GRIN2B: variants seen among roughly 807,000 people sequenced by gnomAD.
GRIN2B encodes glutamate ionotropic receptor NMDA type subunit 2B.
Under a neutral mutation model 114.5 loss-of-function variants are expected in GRIN2B, and 5 were observed. The observed-to-expected ratio is 0.04, with a 90% confidence interval of 0.02 to 0.09. The LOEUF is 0.09. Among genes scored for constraint, GRIN2B ranks in the 10% least tolerant of loss-of-function variants. The pLI is 1.00. For missense variants in GRIN2B, 1,108 were observed against 1,943.5 expected (o/e 0.57, Z 8.08); for synonymous variants, 787 against 745.1 (o/e 1.06, Z -0.92).
chr12:13,765,144 G>A (rs921385034), intron 3 of GRIN2B, among the ~76,000 whole-genome samples: 36 of 152,194 alleles, frequency 2.4e-4, no homozygotes, highest in African/African-American at 8.7e-4. Context: ...ATTCGGTACT[G>A]CCTAAAAGTG....
At chr12:13,782,291 A>G (rs1864130318) in intron 3 of GRIN2B, among the ~76,000 whole-genome samples, 1 of 152,126 alleles carries the variant, frequency 6.6e-6, no homozygotes, top group African/African-American at 2.4e-5. Flanking sequence ...ATACACACAC[A>G]CACACACTCT....
At chr12:13,629,489 C>T (rs1374120145) in intron 5 of GRIN2B, among the ~76,000 whole-genome samples, 1 of 152,200 alleles carries the variant, frequency 6.6e-6, no homozygotes, top group Non-Finnish European at 1.5e-5. Flanking sequence ...TTGCTCTAAA[C>T]TGCACATCTG....
intron 4 of GRIN2B, among the ~76,000 whole-genome samples, chr12:13,735,308 A>T (rs1863159166): frequency 6.6e-6 from 1 of 152,224 alleles, no homozygotes; most frequent in Non-Finnish European, 1.5e-5. Context: ...AAGTGCAGAC[A>T]TGAAGGTGAT....
intron 3 of GRIN2B, among the ~76,000 whole-genome samples, chr12:13,855,739 A>T (rs967834626): frequency 3.3e-5 from 5 of 152,216 alleles, no homozygotes; most frequent in African/African-American, 9.6e-5. Flanking sequence ...TCATCATGAC[A>T]TCTTTAAGTT....
At chr12:13,862,263 T>G (rs948833232) in intron 3 of GRIN2B, among the ~76,000 whole-genome samples, 1 of 152,248 alleles carries the variant, frequency 6.6e-6, no homozygotes, top group Admixed American at 6.5e-5. Flanking sequence ...GAACTGTGTC[T>G]GTGCTGTTGT....
At chr12:13,973,136 C>T (rs1862960064) in intron 2 of GRIN2B, among the ~76,000 whole-genome samples, 1 of 152,228 alleles carries the variant, frequency 6.6e-6, no homozygotes, top group Non-Finnish European at 1.5e-5. Context: ...CTGAGACTCT[C>T]TTCTCCCTTC....
chr12:13,973,800 T>C (rs1591648858), intron 2 of GRIN2B, among the ~76,000 whole-genome samples: 1 of 152,098 alleles, frequency 6.6e-6, no homozygotes, highest in African/African-American at 2.4e-5. Context: ...ATACAAAGAA[T>C]GGTGAAAGTG....
In GRIN2B at chr12:13,556,486, A is replaced by C. The variant is rs1242406068; in HGVS notation, c.*6297T>G. 2 of 152,192 alleles carry C rather than the reference A, an allele frequency of 1.3e-5. No homozygotes were observed. The highest frequency in any genetic ancestry group is 2.9e-5 in the Non-Finnish European group (2 of 68,032). The allele number at this position is 152,192 out of a possible 1,614,324, so 9.4% of individuals were successfully genotyped here. ...TTTAATTAAACTCACATATTTAACC[A>C]GAGAGCTTTTATTTTTTTCTCCTGC... On this transcript the variant is annotated 3_prime_UTR_variant, in exon 14 of 14. Coordinates refer to ENST00000609686, the MANE Select transcript of GRIN2B (RefSeq NM_000834.5).
chr12:13,757,726 C>T (rs73300365), intron 3 of GRIN2B, among the ~76,000 whole-genome samples: 6,162 of 152,140 alleles, frequency 0.041, 412 homozygotes, highest in African/African-American at 0.14. Flanking sequence ...GATGAATAAG[C>T]AGCACAGGGA....
At chr12:13,655,635 A>T (rs896988650) in intron 5 of GRIN2B, among the ~76,000 whole-genome samples, 2 of 152,182 alleles carry the variant, frequency 1.3e-5, no homozygotes, top group African/African-American at 4.8e-5. Context: ...TGTGTCCTTC[A>T]GAAAGTCACT....
At chr12:13,907,356 G>A (rs1391539319) in intron 2 of GRIN2B, among the ~76,000 whole-genome samples, 1 of 152,126 alleles carries the variant, frequency 6.6e-6, no homozygotes. Flanking sequence ...AGGGCGTGGT[G>A]GCACACACCT....
chr12:13,876,640 A>G lies in GRIN2B; in HGVS notation c.-18-10414T>C, dbSNP rs1370119440. 2.0e-5 allele frequency among the ~76,000 whole-genome samples: 3 copies of G among 152,310 alleles called. No homozygotes were observed. In the East Asian group the frequency reaches 5.8e-4, roughly 29 times the overall value. ...AATAGCCACCAAATTTTATACAACT[A>G]TCATATTACTGACATCAGAATAGTC... On this transcript the variant is annotated intron_variant, in intron 2 of 13. Transcript: ENST00000609686.
chr12:13,780,286 TA>T lies in GRIN2B; in HGVS notation c.412-26372del, dbSNP rs542023307. 1.5e-3 allele frequency among the ~76,000 whole-genome samples: 218 copies of T among 145,434 alleles called. 1 individual carries two copies. The highest frequency in any genetic ancestry group is 3.5e-3 in the Middle Eastern group (1 of 282). On this transcript the variant is annotated intron_variant, in intron 3 of 13. Transcript: ENST00000609686. ...CATCCTTATTTACCATAGAGCTATT[TA>T]AAAAAAAAAAAGTCTCTTCATTTAC...
intron 5 of GRIN2B, among the ~76,000 whole-genome samples, chr12:13,664,285 G>A (rs1464243827): frequency 6.6e-6 from 1 of 152,054 alleles, no homozygotes; most frequent in Admixed American, 6.6e-5. Context: ...AGGGAAGGTG[G>A]GTCAACCTCA....
Position 13,608,827 on chromosome 12 carries a change from C to G in GRIN2B, c.1786G>C (p.Gly596Arg), listed in dbSNP as rs377354382. The G allele has an allele frequency of 7.4e-6, 12 of 1,612,498 alleles. No individual in the cohort carries two copies. The highest frequency in any genetic ancestry group is 1.0e-5 in the Non-Finnish European group (12 of 1,178,648). The change falls in exon 10 of 14, where the codon GGT becomes CGT. Residue 596 changes from glycine (G) to arginine (R), a missense_variant. Physicochemically the swap from Gly to Arg is moderately radical, Grantham distance 125. Coordinates refer to ENST00000609686, the MANE Select transcript of GRIN2B (RefSeq NM_000834.5). ...TTGCCGATGGTGAAAGAGGGTCCAC[C>G]AGGCTCTGGCATGACAAAAAGACAA... The part of the protein sequence containing the change: ...NRCLADGREP[G>R]GPSFTIGKAI...
intron 5 of GRIN2B, among the ~76,000 whole-genome samples, chr12:13,640,956 GAGA>G (rs1448242481): frequency 2.0e-5 from 3 of 152,120 alleles, no homozygotes; most frequent in East Asian, 3.9e-4. Flanking sequence ...ACTCTGTTGT[GAGA>G]AGAACCATTT....
chr12:13,855,107 A>G (rs539569174), intron 3 of GRIN2B, among the ~76,000 whole-genome samples: 338 of 150,336 alleles, frequency 2.2e-3, no homozygotes, highest in African/African-American at 8.0e-3. Flanking sequence ...AATCCCAGCT[A>G]CTCAGGAGGC....
intron 2 of GRIN2B, among the ~76,000 whole-genome samples, chr12:13,927,516 A>G (rs927430679): frequency 6.6e-6 from 1 of 152,132 alleles, no homozygotes; most frequent in African/African-American, 2.4e-5. Flanking sequence ...GTGTTCCAAT[A>G]AAACTTTATT....
intron 3 of GRIN2B, among the ~76,000 whole-genome samples, chr12:13,809,760 T>C (rs191467190): frequency 6.6e-6 from 1 of 152,318 alleles, no homozygotes; most frequent in East Asian, 1.9e-4. Flanking sequence ...GATAAACCTA[T>C]CTGAATTGGC....
Sources: gnomAD v4.1 joint callset for allele counts (sites outside exome capture counted in the v4.1 genomes callset) on GRCh38, gnomAD v4.1.1 for gene constraint, MANE v1.5 for transcripts, NCBI Gene and HGNC (gene_info 2026-07-23, HGNC 2026-07-21) for gene names.